Variants in C1orf21 observed in about 807,000 individuals in gnomAD.
The protein encoded by C1orf21 is chromosome 1 open reading frame 21.
In C1orf21, 3 loss-of-function variants were observed where a neutral mutation model predicts 18.7. That is an observed-to-expected ratio of 0.16 (90% CI 0.07 to 0.42). The LOEUF (loss-of-function observed/expected upper bound fraction) is 0.42. Among genes scored for constraint, C1orf21 ranks in the 10% least tolerant of loss-of-function variants. The pLI, the probability that C1orf21 is intolerant of heterozygous loss-of-function variation, is 0.99. For synonymous variants in C1orf21, 41 were observed against 46.4 expected, an observed-to-expected ratio of 0.88 and a Z score of 0.47; for missense variants, 104 against 143.6, an observed-to-expected ratio of 0.72 and a Z score of 1.41.
At chr1:184,583,838 G>A (rs562608042) in intron 3 of C1orf21, among the ~76,000 whole-genome samples, 51 of 152,252 alleles carry the variant, frequency 3.3e-4, no homozygotes, top group African/African-American at 1.0e-3. Flanking sequence ...TATCTTAGTC[G>A]CAGTTGGTCT....
intron 1 of C1orf21, among the ~76,000 whole-genome samples, chr1:184,471,814 G>A (rs188614927): frequency 2.0e-5 from 3 of 152,284 alleles, no homozygotes; most frequent in Non-Finnish European, 4.4e-5. Context: ...GGAGTTAATA[G>A]CATATTGTCG....
intron 3 of C1orf21, among the ~76,000 whole-genome samples, chr1:184,525,705 G>A (rs1658367787): frequency 6.6e-6 from 1 of 151,960 alleles, no homozygotes; most frequent in Non-Finnish European, 1.5e-5. Flanking sequence ...CTTAGTGAAA[G>A]GTATTACTTT....
At chr1:184,432,420 C>G (rs1388815066) in intron 1 of C1orf21, among the ~76,000 whole-genome samples, 2 of 152,092 alleles carry the variant, frequency 1.3e-5, no homozygotes, top group Non-Finnish European at 2.9e-5. Flanking sequence ...AACACGGGAA[C>G]AGAAAACCAA....
At chr1:184,568,212 G>C (rs1004329233) in intron 3 of C1orf21, among the ~76,000 whole-genome samples, 1 of 152,170 alleles carries the variant, frequency 6.6e-6, no homozygotes, top group Admixed American at 6.5e-5. Context: ...AAAAATTGTG[G>C]TAAAATATAC....
At chr1:184,549,641 A>T (rs1035643587) in intron 3 of C1orf21, among the ~76,000 whole-genome samples, 1 of 149,940 alleles carries the variant, frequency 6.7e-6, no homozygotes, top group African/African-American at 2.5e-5. Flanking sequence ...TGTTTTTGTG[A>T]TGTGTAAAAA....
At chr1:184,418,225 C>CTTT (rs34186357) in intron 1 of C1orf21, among the ~76,000 whole-genome samples, 5 of 151,158 alleles carry the variant, frequency 3.3e-5, no homozygotes, top group Non-Finnish European at 2.9e-5. Flanking sequence ...CATAACTTCT[C>CTTT]TTTATTTTTT....
chr1:184,479,329 T>C (rs1209717126), intron 2 of C1orf21, among the ~76,000 whole-genome samples: 1 of 152,224 alleles, frequency 6.6e-6, no homozygotes, highest in African/African-American at 2.4e-5. Context: ...TTCTACCTGA[T>C]GTCCTGTGTC....
chr1:184,611,116 C>T (rs4651223), intron 5 of C1orf21, among the ~76,000 whole-genome samples: 51,974 of 152,012 alleles, frequency 0.34, 9,096 homozygotes, highest in Admixed American at 0.39. Flanking sequence ...AACAATAACA[C>T]GTGAGTCTAA....
chr1:184,571,512 G>A (rs1486434238), intron 3 of C1orf21, among the ~76,000 whole-genome samples: 1 of 152,094 alleles, frequency 6.6e-6, no homozygotes, highest in Non-Finnish European at 1.5e-5. Flanking sequence ...ATTGCCTTTC[G>A]AGTAGGCTTT....
At chr1:184,587,654 G>GTT (rs1659377211) in intron 3 of C1orf21, among the ~76,000 whole-genome samples, 1 of 119,172 alleles carries the variant, frequency 8.4e-6, no homozygotes, top group Non-Finnish European at 1.7e-5. Context: ...GTTTTTGTAT[G>GTT]GTTTTTTTTT....
At chr1:184,413,749 C>A (rs563563856) in intron 1 of C1orf21, among the ~76,000 whole-genome samples, 161 of 152,258 alleles carry the variant, frequency 1.1e-3, no homozygotes, top group Middle Eastern at 6.8e-3. Context: ...AGAAGTGTCT[C>A]TACCATGAAA....
In C1orf21 at chr1:184,623,380, C is replaced by T. The variant is rs1255781489; in HGVS notation, c.*3824C>T. On this transcript the variant is annotated 3_prime_UTR_variant, in exon 6 of 6. Coordinates refer to ENST00000235307, the MANE Select transcript of C1orf21 (RefSeq NM_030806.4). ...TAAAGAAAAAGGATATTAGATTGCA[C>T]ACTATAATTTTACATAAGATCTGCC... 1.3e-5 allele frequency: 2 copies of T among 152,142 alleles called. No homozygotes were observed. The highest frequency in any genetic ancestry group is 2.4e-5 in the African/African-American group (1 of 41,412). The allele number at this position is 152,142 out of a possible 1,614,324, so 9.4% of individuals were successfully genotyped here. A position where few individuals can be genotyped will look rare whatever the true frequency, so the allele number is the denominator to read the frequency against.
chr1:184,609,687 C>G (rs1659699186), intron 5 of C1orf21, among the ~76,000 whole-genome samples: 1 of 152,052 alleles, frequency 6.6e-6, no homozygotes, highest in African/African-American at 2.4e-5. Context: ...TGGAAATCTT[C>G]CACAAAAAAA....
At chr1:184,597,311 A>T (rs1326669574) in intron 4 of C1orf21, among the ~76,000 whole-genome samples, 1 of 152,194 alleles carries the variant, frequency 6.6e-6, no homozygotes, top group Admixed American at 6.5e-5. Context: ...GTCATTGCTC[A>T]CAGATTTTAA....
At chr1:184,530,184 T>C (rs1291329720) in intron 3 of C1orf21, among the ~76,000 whole-genome samples, 1 of 152,226 alleles carries the variant, frequency 6.6e-6, no homozygotes, top group Non-Finnish European at 1.5e-5. Flanking sequence ...ATTCTTCTAG[T>C]CGTAACTAGT....
chr1:184,522,228 T>C (rs1249388432), intron 3 of C1orf21, among the ~76,000 whole-genome samples: 6 of 152,194 alleles, frequency 3.9e-5, no homozygotes, highest in African/African-American at 1.2e-4. Context: ...TGTAAATACA[T>C]ATAATGTATA....
intron 3 of C1orf21, among the ~76,000 whole-genome samples, chr1:184,545,485 G>A (rs1422195846): frequency 6.6e-6 from 1 of 151,846 alleles, no homozygotes; most frequent in Non-Finnish European, 1.5e-5. Context: ...CTTTCCATAG[G>A]GAGAAATTTT....
chr1:184,605,262 A>G (rs569132391), intron 5 of C1orf21, among the ~76,000 whole-genome samples: 1 of 152,314 alleles, frequency 6.6e-6, no homozygotes, highest in African/African-American at 2.4e-5. Flanking sequence ...CCTGCAGAGA[A>G]CACGCAGGGA....
At chr1:184,464,090 G>A (rs1039761037) in intron 1 of C1orf21, among the ~76,000 whole-genome samples, 4 of 152,196 alleles carry the variant, frequency 2.6e-5, no homozygotes, top group Non-Finnish European at 5.9e-5. Context: ...AAGCTAGATG[G>A]GATTGGAAAT....
Sources: allele counts gnomAD v4.1 joint callset (sites outside exome capture counted in the v4.1 genomes callset), GRCh38; gene constraint gnomAD v4.1.1; transcripts MANE v1.5; gene names NCBI Gene and HGNC (gene_info 2026-07-23, HGNC 2026-07-21).